Variants in CACNA1C observed in about 807,000 individuals in gnomAD.
CACNA1C encodes voltage-dependent L-type calcium channel subunit alpha-1C.
In CACNA1C, 30 loss-of-function variants were observed where a neutral mutation model predicts 229.0. The ratio of observed to expected loss-of-function variants is 0.13; its 90% CI spans 0.10 to 0.18. CACNA1C has a LOEUF of 0.18. Ranked by LOEUF, CACNA1C falls within the 10% of genes least tolerant of loss-of-function variation. The pLI is 1.00. For synonymous variants in CACNA1C, 1,114 were observed against 1,132.5 expected (o/e 0.98, Z 0.33); for missense variants, 1,658 against 2,845.0 (o/e 0.58, Z 9.49).
At position 2,597,737 on chromosome 12, in the gene CACNA1C, G is replaced by A. The variant is rs181538315; in HGVS notation, c.2853+448G>A. 5.7e-3 allele frequency among the ~76,000 whole-genome samples: 873 copies of A among 152,294 alleles called. 11 individuals are homozygous for A. The highest frequency in any genetic ancestry group is 0.02 in the African/African-American group (820 of 41,546). ...CCACCCCTAAGCAGTCCGTGGCCTG[G>A]AAGGGACACGTGTTGGCTGTGCCAA... On this transcript the variant is annotated intron_variant, in intron 21 of 46. Transcript: ENST00000399655. The surrounding 1 kb of genome is among the most constrained non-coding windows in gnomAD (Gnocchi z 4.3).
chr12:2,686,046 G>C, intron 44 of CACNA1C, 120 bp from the exon 45 acceptor site: 5 of 920,370 alleles, frequency 5.4e-6, no homozygotes, highest in Non-Finnish European at 9.1e-6. Context: ...CGAGGGGAGG[G>C]GAAAGGAGGA....
chr12:2,265,779 GC>G (rs1381029916), intron 3 of CACNA1C, among the ~76,000 whole-genome samples: 6 of 152,256 alleles, frequency 3.9e-5, no homozygotes, highest in Non-Finnish European at 5.9e-5. Flanking sequence ...GAGTGCTCCC[GC>G]CCCCTTTGGG....
chr12:2,545,363 A>T (rs2154591713), intron 9 of CACNA1C, among the ~76,000 whole-genome samples: 1 of 152,152 alleles, frequency 6.6e-6, no homozygotes, highest in South Asian at 2.1e-4. Context: ...ATCGGCTTTG[A>T]TGGTGGCTCT....
chr12:2,666,795 G>A lies in CACNA1C; in HGVS notation c.4623+13G>A, dbSNP rs111734850. 731 of 1,530,230 alleles carry A rather than the reference G, an allele frequency of 4.8e-4. 3 individuals carry two copies. The African/African-American group carries it at 7.1e-3, about 15-fold the overall frequency. The allele number at this position is 1,530,230 out of a possible 1,614,324, so 94.8% of individuals were successfully genotyped here. ...CGTGGCTTGCAAAGTAAGAGATAAC[G>A]GGGTTCATGGGAGGGAGAGGGAAAA... is the stretch of plus-strand genomic sequence containing the variant. On this transcript the variant is annotated intron_variant, in intron 37 of 46. Coordinates refer to ENST00000399655, the MANE Select transcript of CACNA1C (RefSeq NM_000719.7). The surrounding 1 kb of genome is among the most constrained non-coding windows in gnomAD (Gnocchi z 5.3).
At position 2,354,863 on chromosome 12, in the gene CACNA1C, G is replaced by A. The variant is rs988361060; in HGVS notation, c.478-94113G>A. ...TGGAGTAACCATTTCAGAGCTGGTC[G>A]TTTCCCCGCAGCTTTAGATTCCATT... On this transcript the variant is annotated intron_variant, in intron 3 of 46. Transcript: ENST00000399655. This position sits in a 1 kb window ranked among gnomAD's most constrained non-coding sequence, Gnocchi z 4.6. 9.2e-5 allele frequency among the ~76,000 whole-genome samples: 14 copies of A among 152,104 alleles called. No homozygotes were observed. The highest frequency in any genetic ancestry group is 1.9e-4 in the East Asian group (1 of 5,184).
chr12:2,386,588 A>G (rs2098395189), intron 3 of CACNA1C, among the ~76,000 whole-genome samples: 1 of 152,148 alleles, frequency 6.6e-6, no homozygotes, highest in South Asian at 2.1e-4. Context: ...TCAGCTCAGT[A>G]CTTTGTCCTG....
intron 1 of CACNA1C, among the ~76,000 whole-genome samples, chr12:2,063,483 G>A (rs1051058071): frequency 6.6e-6 from 1 of 152,200 alleles, no homozygotes; most frequent in Non-Finnish European, 1.5e-5. Context: ...GGAGTTTGCT[G>A]TGTAGTCTGA....
chr12:2,438,608 G>A (rs1283926423), intron 3 of CACNA1C, among the ~76,000 whole-genome samples: 1 of 152,034 alleles, frequency 6.6e-6, no homozygotes, highest in Non-Finnish European at 1.5e-5. Context: ...AGCCTTTGGT[G>A]TGGCTGGAGC....
At chr12:2,450,856 G>A (rs529237975) in intron 4 of CACNA1C, among the ~76,000 whole-genome samples, 24 of 152,238 alleles carry the variant, frequency 1.6e-4, no homozygotes, top group African/African-American at 4.3e-4. Context: ...CATTGTGGAC[G>A]TCTCCAGAGC....
chr12:2,368,307 C>T (rs3891781), intron 3 of CACNA1C, among the ~76,000 whole-genome samples: 49,829 of 151,766 alleles, frequency 0.33, 8,426 homozygotes, highest in Non-Finnish European at 0.38. Context: ...GGTCGAGGGG[C>T]TACAACAAAG....
chr12:2,441,156 G>C (rs1223334191), intron 3 of CACNA1C, among the ~76,000 whole-genome samples: 15 of 152,212 alleles, frequency 9.9e-5, no homozygotes, highest in Admixed American at 9.8e-4. Context: ...CTGTTTGGTG[G>C]AGAATTCTTG....
At chr12:2,450,325 C>A (rs369246089) in intron 4 of CACNA1C, among the ~76,000 whole-genome samples, 6 of 151,928 alleles carry the variant, frequency 3.9e-5, no homozygotes, top group South Asian at 2.1e-4. Context: ...GAGGCCAAGG[C>A]GGGCGGATCA....
At chr12:2,430,965 AG>A (rs1156782475) in intron 3 of CACNA1C, among the ~76,000 whole-genome samples, 2 of 152,122 alleles carry the variant, frequency 1.3e-5, no homozygotes, top group African/African-American at 2.4e-5. Context: ...GGGCGGCTTC[AG>A]GCAAAGCTTC....
At chr12:2,670,649 A>G (rs1294913958) in intron 38 of CACNA1C, among the ~76,000 whole-genome samples, 2 of 152,130 alleles carry the variant, frequency 1.3e-5, no homozygotes, top group African/African-American at 4.8e-5. Context: ...TCCCGAGGTC[A>G]GGAGATTGAG....
At chr12:2,511,331 A>G (rs967336590) in intron 8 of CACNA1C, among the ~76,000 whole-genome samples, 2 of 152,334 alleles carry the variant, frequency 1.3e-5, no homozygotes, top group Middle Eastern at 3.4e-3. Context: ...AAATGCAAGC[A>G]CTAGGCAGTG....
intron 16 of CACNA1C, 34 bp downstream of exon 16, chr12:2,584,651 C>A: frequency 7.2e-7 from 1 of 1,396,792 alleles, no homozygotes; most frequent in Non-Finnish European, 1.0e-6. Context: ...CCTGGGGCTC[C>A]AGGGCTCCCA....
intron 3 of CACNA1C, among the ~76,000 whole-genome samples, chr12:2,385,706 G>A (rs548102956): frequency 2.0e-5 from 3 of 152,320 alleles, no homozygotes; most frequent in Non-Finnish European, 4.4e-5. Flanking sequence ...TTGAAATCCT[G>A]CAATGGCCTC....
chr12:2,638,795 A>G (rs765030156), intron 30 of CACNA1C, among the ~76,000 whole-genome samples: 5 of 152,284 alleles, frequency 3.3e-5, no homozygotes, highest in Admixed American at 1.3e-4. Context: ...CAGGTAGGCA[A>G]GGAGGCGGGC....
Position 2,566,533 on chromosome 12 carries a change from C to G in CACNA1C, c.1620C>G (p.Thr540=). 1 of 1,597,790 alleles carries G rather than the reference C, an allele frequency of 6.3e-7. No individual in the cohort carries two copies. ...TCCTGGTGTTCCTCAACACGCTCAC[C>G]ATTGCCTCTGAGCACTACAACCAGC... is the stretch of plus-strand genomic sequence containing the variant. ...VIFLVFLNTL[T]IASEHYNQPN... Residue 540 remains threonine (T), a synonymous_variant, in exon 12 of 47, where the codon ACC becomes ACG. Coordinates refer to ENST00000399655, the MANE Select transcript of CACNA1C (RefSeq NM_000719.7). The surrounding 1 kb of genome is among the most constrained non-coding windows in gnomAD (Gnocchi z 4.0).
Sources: gnomAD v4.1 joint callset for allele counts (sites outside exome capture counted in the v4.1 genomes callset) on GRCh38, gnomAD v4.1.1 for gene constraint, Gnocchi (gnomAD v3.1) non-coding constraint, MANE v1.5 for transcripts, NCBI Gene and HGNC (gene_info 2026-07-23, HGNC 2026-07-21) for gene names.